HS1BP3: variants seen among roughly 807,000 people sequenced by gnomAD.
HS1BP3 encodes HCLS1-binding protein 3.
In HS1BP3, 32 loss-of-function variants were observed where a neutral mutation model predicts 33.5. The ratio of observed to expected loss-of-function variants is 0.95; its 90% CI spans 0.72 to 1.28. The LOEUF is 1.28. Among genes scored for constraint, HS1BP3 ranks in the 50% most tolerant of loss-of-function variants. The pLI, the probability that HS1BP3 is intolerant of heterozygous loss-of-function variation, is 0.00. For missense variants in HS1BP3, 486 were observed against 502.3 expected, an observed-to-expected ratio of 0.97 and a Z score of 0.31; for synonymous variants, 187 against 209.2, an observed-to-expected ratio of 0.89 and a Z score of 0.92.
intron 3 of HS1BP3, among the ~76,000 whole-genome samples, chr2:20,639,860 C>T (rs1413350482): frequency 1.3e-5 from 2 of 152,166 alleles, no homozygotes; most frequent in Non-Finnish European, 2.9e-5. Flanking sequence ...CACAGTCTAC[C>T]CAGCCCCAGA....
Position 20,579,191 on chromosome 2 carries a change from G to A in HS1BP3, c.303-18676C>T, listed in dbSNP as rs138894147. Among the ~76,000 whole-genome samples the A allele has an allele frequency of 2.8e-3, 431 of 152,362 alleles. 3 individuals are homozygous for A. Among genetic ancestry groups the A allele is most frequent in the African/African-American group, 0.01 (417 of 41,582 alleles). On this transcript the variant is annotated intron_variant, in intron 5 of 5. Coordinates refer to the HS1BP3 transcript ENST00000446825. The stretch of plus-strand genomic sequence containing the variant: ...GTGCTGTGTCCAGAGAGAACAAAGC[G>A]GGGGTTTCCCTGGGTTCCATGAGCA...
At chr2:20,592,946 G>T (rs1413929374) in intron 3 of HS1BP3, among the ~76,000 whole-genome samples, 1 of 152,178 alleles carries the variant, frequency 6.6e-6, no homozygotes, top group Non-Finnish European at 1.5e-5. Context: ...TTGGGGGCAA[G>T]AATTCAACCC....
At chr2:20,629,643 G>A (rs1436729332) in intron 4 of HS1BP3, among the ~76,000 whole-genome samples, 1 of 152,246 alleles carries the variant, frequency 6.6e-6, no homozygotes, top group Admixed American at 6.5e-5. Flanking sequence ...GGCCCACAGA[G>A]GTTGCATGAG....
intron 5 of HS1BP3, among the ~76,000 whole-genome samples, chr2:20,562,171 G>GT (rs1006065947): frequency 1.3e-5 from 2 of 152,120 alleles, no homozygotes; most frequent in African/African-American, 2.4e-5. Context: ...GGACTCCTCT[G>GT]TAACATCCTT....
At chr2:20,581,078 G>A (rs915391485) in intron 5 of HS1BP3, among the ~76,000 whole-genome samples, 2 of 152,182 alleles carry the variant, frequency 1.3e-5, no homozygotes, top group Non-Finnish European at 2.9e-5. Context: ...ACAGGCCCCA[G>A]TGCAGGCTCT....
intron 5 of HS1BP3, among the ~76,000 whole-genome samples, chr2:20,565,620 G>A (rs574507929): frequency 3.3e-5 from 5 of 152,238 alleles, no homozygotes; most frequent in African/African-American, 7.2e-5. Context: ...ACCCCACCCC[G>A]TGGGACAGTC....
At chr2:20,650,902 A>T in intron 1 of HS1BP3, 130 bp downstream of exon 1, 1 of 782,236 alleles carries the variant, frequency 1.3e-6, no homozygotes, top group East Asian at 3.4e-5. Flanking sequence ...CAGCCCGGAT[A>T]AGCCACCGAG....
intron 2 of HS1BP3, among the ~76,000 whole-genome samples, chr2:20,600,907 T>C (rs1215153910): frequency 6.6e-6 from 1 of 152,210 alleles, no homozygotes; most frequent in Non-Finnish European, 1.5e-5. Context: ...GGTGGAGTGG[T>C]CATTCTTTCC....
rs372329576 is a variant in HS1BP3 at position 20,623,965 on chromosome 2, G to C, written c.851C>G (p.Pro284Arg). 12 of 1,612,034 alleles carry C rather than the reference G, an allele frequency of 7.4e-6. No individual in the cohort carries two copies. The highest frequency in any genetic ancestry group is 6.7e-5 in the Admixed American group (4 of 59,980). ...AIPLGDSLLL[P>R]AACESGGPTP... ...GGGCCCTCCACTCTCACAGGCGGCTGGCAGCAGGAGGGAGTCACCCAGGGG... is the reference window on the plus strand; with the variant it reads ...GGGCCCTCCACTCTCACAGGCGGCTCGCAGCAGGAGGGAGTCACCCAGGGG... Residue 284 changes from proline (P) to arginine (R), a missense_variant, in exon 6 of 7, where the codon CCA becomes CGA. Pro to Arg is a moderately radical substitution (Grantham distance 103, BLOSUM62 -2). Transcript: ENST00000304031.
chr2:20,647,547 A>G (rs1695555314), intron 1 of HS1BP3, among the ~76,000 whole-genome samples: 1 of 152,144 alleles, frequency 6.6e-6, no homozygotes, highest in Non-Finnish European at 1.5e-5. Flanking sequence ...ATCGCCTGGG[A>G]ACTTGTAAGA....
chr2:20,633,349 G>A (rs894745094), intron 4 of HS1BP3, among the ~76,000 whole-genome samples: 1 of 152,180 alleles, frequency 6.6e-6, no homozygotes, highest in African/African-American at 2.4e-5. Context: ...TCCCAACCAG[G>A]GGAAATCCTA....
At chr2:20,613,346 C>T (rs770265079), downstream of HS1BP3, among the ~76,000 whole-genome samples, 2 of 152,254 alleles carry the variant, frequency 1.3e-5, no homozygotes, top group Non-Finnish European at 2.9e-5. Flanking sequence ...CCACTGCCAG[C>T]ATCCTCAGAG....
At chr2:20,565,555 C>T (rs1336068080) in intron 5 of HS1BP3, among the ~76,000 whole-genome samples, 1 of 152,256 alleles carries the variant, frequency 6.6e-6, no homozygotes, top group Non-Finnish European at 1.5e-5. Context: ...CCATCTGTAG[C>T]CTCCCACAAA....
At chr2:20,574,015 A>G (rs1169846278) in intron 5 of HS1BP3, among the ~76,000 whole-genome samples, 1 of 152,246 alleles carries the variant, frequency 6.6e-6, no homozygotes, top group African/African-American at 2.4e-5. Context: ...TGAATGCCAT[A>G]GAGAATGCAA....
intron 4 of HS1BP3, chr2:20,636,032 T>G (rs535892424): frequency 3.3e-5 from 5 of 152,054 alleles, no homozygotes; most frequent in Non-Finnish European, 7.4e-5. Context: ...GCTGGTTGCA[T>G]GGAAATGGTG....
At chr2:20,565,574 G>T (rs148773449) in intron 5 of HS1BP3, among the ~76,000 whole-genome samples, 1,601 of 152,360 alleles carry the variant, frequency 0.011, 30 homozygotes, top group African/African-American at 0.037. Flanking sequence ...AACTAGGAAA[G>T]GGTGGTGGTG....
chr2:20,623,773 T>C (rs1694678324), intron 6 of HS1BP3, 123 bp downstream of exon 6: 1 of 1,171,628 alleles, frequency 8.5e-7, no homozygotes, highest in Admixed American at 3.4e-5. Context: ...GCTTCTACTT[T>C]TCACAGGCCT....
At chr2:20,612,181 A>G (rs141961896) in intron 2 of HS1BP3, among the ~76,000 whole-genome samples, 1 of 152,330 alleles carries the variant, frequency 6.6e-6, no homozygotes, top group East Asian at 1.9e-4. Context: ...AGAGAGGTTA[A>G]GTAACTGGCC....
At chr2:20,591,460 C>T (rs181311578), downstream of HS1BP3, among the ~76,000 whole-genome samples, 241 of 152,284 alleles carry the variant, frequency 1.6e-3, 2 homozygotes, top group African/African-American at 5.7e-3. Flanking sequence ...CTGGGAGCCC[C>T]AAGACTTGGA....
Sources: gnomAD v4.1 joint callset for allele counts (sites outside exome capture counted in the v4.1 genomes callset) on GRCh38, gnomAD v4.1.1 for gene constraint, MANE v1.5 for transcripts, NCBI Gene and HGNC (gene_info 2026-07-23, HGNC 2026-07-21) for gene names.